ADGRL2: variants seen among roughly 807,000 people sequenced by gnomAD.
The protein encoded by ADGRL2 is calcium-independent alpha-latrotoxin receptor 2.
In ADGRL2, 44 loss-of-function variants were observed where a neutral mutation model predicts 157.4. The ratio of observed to expected loss-of-function variants is 0.28; its 90% CI spans 0.22 to 0.36. ADGRL2 has a LOEUF of 0.36. Ranked by LOEUF, ADGRL2 falls within the 10% of genes least tolerant of loss-of-function variation. ADGRL2 has a pLI of 1.00. For missense variants in ADGRL2, 1,510 were observed against 1,768.9 expected (o/e 0.85, Z 2.63); for synonymous variants, 585 against 624.7 (o/e 0.94, Z 0.95).
chr1:81,646,158 C>G (rs2148821473), intron 3 of ADGRL2, among the ~76,000 whole-genome samples: 1 of 152,294 alleles, frequency 6.6e-6, no homozygotes, highest in Non-Finnish European at 1.5e-5. Context: ...CTCTTCCCTA[C>G]AGCTAAGTGT....
At chr1:81,923,142 C>T (rs2148637026) in intron 3 of ADGRL2, among the ~76,000 whole-genome samples, 1 of 152,284 alleles carries the variant, frequency 6.6e-6, no homozygotes, top group Admixed American at 6.5e-5. Context: ...TCAGCTACTT[C>T]CTGCTGTCAG....
chr1:81,829,306 C>G (rs1394568367), intron 1 of ADGRL2, among the ~76,000 whole-genome samples: 1 of 152,172 alleles, frequency 6.6e-6, no homozygotes, highest in East Asian at 1.9e-4. Flanking sequence ...CTAGCTTTAT[C>G]TTTAGTACTA....
At chr1:81,743,393 GTT>G (rs5775639) in intron 1 of ADGRL2, among the ~76,000 whole-genome samples, 61 of 136,826 alleles carry the variant, frequency 4.5e-4, no homozygotes, top group African/African-American at 9.0e-4. Context: ...ATAACAGAAG[GTT>G]TTTTTTTTTT....
intron 6 of ADGRL2, among the ~76,000 whole-genome samples, chr1:81,945,415 A>G (rs1019654477): frequency 1.3e-5 from 2 of 152,218 alleles, no homozygotes; most frequent in Middle Eastern, 3.4e-3. Context: ...TCCTCAGAAA[A>G]AAAAGAAAGA....
intron 3 of ADGRL2, among the ~76,000 whole-genome samples, chr1:81,627,082 G>A (rs1291697037): frequency 6.6e-6 from 1 of 151,860 alleles, no homozygotes; most frequent in Non-Finnish European, 1.5e-5. Flanking sequence ...TTCAGTAAAT[G>A]TTAGCTATTA....
At chr1:81,574,997 A>C (rs988927871) in intron 2 of ADGRL2, among the ~76,000 whole-genome samples, 2 of 152,232 alleles carry the variant, frequency 1.3e-5, no homozygotes, top group African/African-American at 4.8e-5. Context: ...TACATTAAAC[A>C]TAAAACTATG....
intron 1 of ADGRL2, among the ~76,000 whole-genome samples, chr1:81,744,659 C>T (rs1403147940): frequency 6.6e-6 from 1 of 152,160 alleles, no homozygotes; most frequent in Non-Finnish European, 1.5e-5. Flanking sequence ...CTCTCCTGGA[C>T]TTAGTGTACC....
intron 3 of ADGRL2, among the ~76,000 whole-genome samples, chr1:81,647,770 G>A (rs776805123): frequency 2.6e-5 from 4 of 152,144 alleles, no homozygotes; most frequent in Admixed American, 1.3e-4. Flanking sequence ...CTTACAAAAT[G>A]GATGGTAGAA....
At chr1:81,611,416 G>A (rs1381490464) in intron 3 of ADGRL2, among the ~76,000 whole-genome samples, 1 of 151,868 alleles carries the variant, frequency 6.6e-6, no homozygotes, top group African/African-American at 2.4e-5. Context: ...TTTTAAACTG[G>A]GTAAAACTGC....
chr1:81,728,257 T>C (rs1363538184), intron 1 of ADGRL2, among the ~76,000 whole-genome samples: 1 of 152,162 alleles, frequency 6.6e-6, no homozygotes, highest in Non-Finnish European at 1.5e-5. Flanking sequence ...TAGCCTGATT[T>C]TGGCTGAATA....
In ADGRL2 at chr1:81,993,204, A is replaced by G. The variant is rs1034297938; in HGVS notation, c.*2059A>G. Among the ~76,000 whole-genome samples the G allele has an allele frequency of 3.4e-5, 5 of 146,378 alleles. No individual in the cohort carries two copies. The highest frequency in any genetic ancestry group is 1.0e-4 in the African/African-American group (4 of 39,260). ...GCAACCTCCGCCTCCCAGGTTCTCA[A>G]ACAGATTTAACAATCCTCTGAGAAT... On this transcript the variant is annotated 3_prime_UTR_variant, in exon 24 of 24. Coordinates refer to ENST00000686636, the MANE Select transcript of ADGRL2 (RefSeq NM_001366006.2).
intron 1 of ADGRL2, among the ~76,000 whole-genome samples, chr1:81,756,135 C>CA (rs1368542700): frequency 6.6e-6 from 1 of 152,162 alleles, no homozygotes; most frequent in Non-Finnish European, 1.5e-5. Flanking sequence ...AATCCCTTTG[C>CA]TCATGCTCTT....
chr1:81,480,150 A>G (rs961469494), intron 2 of ADGRL2, among the ~76,000 whole-genome samples: 6 of 152,106 alleles, frequency 3.9e-5, no homozygotes, highest in Non-Finnish European at 8.8e-5. Context: ...CTCCTAAGAA[A>G]CAAGAAACAA....
chr1:81,716,119 G>A (rs9662298), intron 1 of ADGRL2, among the ~76,000 whole-genome samples: 8,201 of 152,222 alleles, frequency 0.054, 236 homozygotes, highest in Admixed American at 0.061. Context: ...CCTTCACTTG[G>A]TCTCTAACAC....
chr1:81,560,280 G>A (rs1408434835), intron 2 of ADGRL2, among the ~76,000 whole-genome samples: 1 of 152,208 alleles, frequency 6.6e-6, no homozygotes, highest in African/African-American at 2.4e-5. Flanking sequence ...CTGATTTCAA[G>A]TGTTGGTTCT....
rs79594675 is a variant in ADGRL2 at position 81,664,940 on chromosome 1, A to G, written c.-143+83960A>G. On this transcript the variant is annotated intron_variant, in intron 3 of 24. Transcript: ENST00000370721. Reference sequence around the variant, plus strand: ...ATTGAGTTACTATGCTGTGCCAGGTACTGAACTTGAGGCTAAGAATACGAT... The same window carrying G: ...ATTGAGTTACTATGCTGTGCCAGGTGCTGAACTTGAGGCTAAGAATACGAT... Among the ~76,000 whole-genome samples the G allele has an allele frequency of 6.7e-3, 1,018 of 152,212 alleles. 10 individuals are homozygous for G. The highest frequency in any genetic ancestry group is 0.023 in the African/African-American group (969 of 41,548).
At chr1:81,849,498 G>A (rs1029405119) in intron 2 of ADGRL2, among the ~76,000 whole-genome samples, 3 of 151,792 alleles carry the variant, frequency 2.0e-5, no homozygotes, top group African/African-American at 7.2e-5. Context: ...TTGTAGCTAA[G>A]GCAACTAAAA....
intron 1 of ADGRL2, among the ~76,000 whole-genome samples, chr1:81,340,536 C>A (rs931486123): frequency 2.6e-5 from 4 of 152,086 alleles, no homozygotes; most frequent in Non-Finnish European, 4.4e-5. Flanking sequence ...GGAAATTACT[C>A]ATTCTAAGAA....
rs889782427 is a variant in ADGRL2 at position 81,819,114 on chromosome 1, A to C, written c.-100-17771A>C. ...TGTTATACTTATTTGATAGCATTCA[A>C]GGTGGTGTATCCAATGAACTAGAGT... On this transcript the variant is annotated intron_variant, in intron 1 of 23. Coordinates refer to ENST00000686636, the MANE Select transcript of ADGRL2 (RefSeq NM_001366006.2). 2.6e-5 allele frequency among the ~76,000 whole-genome samples: 4 copies of C among 152,286 alleles called. No individual in the cohort carries two copies. The East Asian group carries it at 7.7e-4, about 29-fold the overall frequency.
Sources: allele counts gnomAD v4.1 joint callset (sites outside exome capture counted in the v4.1 genomes callset), GRCh38; gene constraint gnomAD v4.1.1; transcripts MANE v1.5; gene names NCBI Gene and HGNC (gene_info 2026-07-23, HGNC 2026-07-21).